Variants in MAPK4 observed in about 807,000 individuals in gnomAD.
MAPK4 encodes Erk3-related.
MAPK4 carries 22 observed loss-of-function variants against 47.7 expected under a neutral mutation model. The observed-to-expected ratio is 0.46, with a 90% CI of 0.33 to 0.66. The LOEUF (loss-of-function observed/expected upper bound fraction) is 0.66, where lower values mean the gene tolerates loss of function less well. Among genes scored for constraint, MAPK4 ranks in the 30% least tolerant of loss-of-function variants. MAPK4 has a pLI of 0.02. For missense variants in MAPK4, 736 were observed against 831.7 expected (o/e 0.88, Z 1.42); for synonymous variants, 390 against 365.7 (o/e 1.07, Z -0.76).
At chr18:50,566,586 G>A (rs191449881) in intron 1 of MAPK4, among the ~76,000 whole-genome samples, 1 of 152,284 alleles carries the variant, frequency 6.6e-6, no homozygotes, top group African/African-American at 2.4e-5. Context: ...CATTTCCAGG[G>A]CACCTGATCC....
intron 1 of MAPK4, among the ~76,000 whole-genome samples, chr18:50,565,183 G>A (rs2042188217): frequency 6.6e-6 from 1 of 152,200 alleles, no homozygotes. Flanking sequence ...GATCAAAATG[G>A]AATTGTTAAA....
At chr18:50,636,558 G>T (rs2042890716) in intron 1 of MAPK4, among the ~76,000 whole-genome samples, 1 of 152,114 alleles carries the variant, frequency 6.6e-6, no homozygotes, top group Non-Finnish European at 1.5e-5. Context: ...AGACCCATGG[G>T]GTGACTCCTG....
At chr18:50,619,996 G>A (rs760185703) in intron 1 of MAPK4, among the ~76,000 whole-genome samples, 8 of 152,226 alleles carry the variant, frequency 5.3e-5, no homozygotes, top group Admixed American at 1.3e-4. Context: ...CCAAGGAAAT[G>A]CAGGCTGTGC....
At chr18:50,643,217 T>TA (rs1209798804) in intron 1 of MAPK4, among the ~76,000 whole-genome samples, 1 of 152,212 alleles carries the variant, frequency 6.6e-6, no homozygotes, top group Non-Finnish European at 1.5e-5. Flanking sequence ...TGAATTTATT[T>TA]AAAAACAATT....
At chr18:50,625,783 T>C (rs957652185) in intron 1 of MAPK4, among the ~76,000 whole-genome samples, 1 of 152,008 alleles carries the variant, frequency 6.6e-6, no homozygotes, top group Non-Finnish European at 1.5e-5. Context: ...CCCAGGTCTC[T>C]GGAAGGGGCT....
chr18:50,567,166 G>T (rs1420350285), intron 1 of MAPK4, among the ~76,000 whole-genome samples: 1 of 151,366 alleles, frequency 6.6e-6, no homozygotes, highest in Non-Finnish European at 1.5e-5. Context: ...AGGTATACAC[G>T]TGCCATGGTG....
chr18:50,704,800 G>T, intron 2 of MAPK4: 1 of 398,572 alleles, frequency 2.5e-6, no homozygotes, highest in South Asian at 1.3e-4. Context: ...CAGGGACAAT[G>T]ACAGCAGCCA....
At chr18:50,671,705 A>T (rs372524456) in intron 2 of MAPK4, among the ~76,000 whole-genome samples, 6 of 152,192 alleles carry the variant, frequency 3.9e-5, no homozygotes, top group African/African-American at 1.2e-4. Flanking sequence ...CCTGGGCAAC[A>T]GCGAGACCCC....
intron 1 of MAPK4, among the ~76,000 whole-genome samples, chr18:50,625,848 G>A (rs1186130856): frequency 6.6e-6 from 1 of 151,466 alleles, no homozygotes; most frequent in Middle Eastern, 3.4e-3. Context: ...GTGTATTAGG[G>A]TTCTCCAGAG....
At chr18:50,654,580 A>C (rs1282215827) in intron 1 of MAPK4, among the ~76,000 whole-genome samples, 4 of 152,228 alleles carry the variant, frequency 2.6e-5, no homozygotes, top group African/African-American at 9.6e-5. Context: ...TAAAAAGAGA[A>C]GTTTCCCCTT....
chr18:50,650,634 T>C (rs1019494917), intron 1 of MAPK4, among the ~76,000 whole-genome samples: 4 of 152,188 alleles, frequency 2.6e-5, no homozygotes, highest in Non-Finnish European at 5.9e-5. Context: ...GGCCAAGTGC[T>C]GTACTAGGCA....
At chr18:50,707,749 G>T (rs1910137151) in intron 2 of MAPK4, among the ~76,000 whole-genome samples, 1 of 152,024 alleles carries the variant, frequency 6.6e-6, no homozygotes, top group Non-Finnish European at 1.5e-5. Flanking sequence ...TTTTTTTAAA[G>T]TCAAAGAAAG....
chr18:50,580,007 G>A (rs2042329740), intron 1 of MAPK4, among the ~76,000 whole-genome samples: 1 of 152,146 alleles, frequency 6.6e-6, no homozygotes. Flanking sequence ...CTCTCACAGG[G>A]CTCTTCATCA....
At chr18:50,640,133 C>A (rs562592874) in intron 1 of MAPK4, among the ~76,000 whole-genome samples, 1 of 152,172 alleles carries the variant, frequency 6.6e-6, no homozygotes, top group African/African-American at 2.4e-5. Flanking sequence ...TATAGACAGA[C>A]AGGAGCAAAA....
chr18:50,678,288 A>C lies in MAPK4; in HGVS notation c.546+13784A>C, dbSNP rs1908389716. On this transcript the variant is annotated intron_variant, in intron 2 of 5. Transcript: ENST00000400384. This position sits in a 1 kb window ranked among gnomAD's most constrained non-coding sequence, Gnocchi z 4.2. ...GGGCTAGGGGAAGGGAGTTGAACTC[A>C]AAAGGAGACCAGAATACAGAGCCCC... is the stretch of plus-strand genomic sequence containing the variant. Among the ~76,000 whole-genome samples, 1 of 152,218 alleles carries C rather than the reference A, an allele frequency of 6.6e-6. No homozygotes were observed. Among genetic ancestry groups the C allele is most frequent in the Non-Finnish European group, 1.5e-5 (1 of 68,042 alleles).
chr18:50,660,196 G>T (rs540342754), intron 1 of MAPK4, among the ~76,000 whole-genome samples: 83 of 152,290 alleles, frequency 5.5e-4, no homozygotes, highest in Non-Finnish European at 7.6e-4. Context: ...AAAATGAAGA[G>T]GCTTGAGAAG....
intron 2 of MAPK4, among the ~76,000 whole-genome samples, chr18:50,688,717 G>C (rs376038947): frequency 6.6e-6 from 1 of 151,944 alleles, no homozygotes; most frequent in Non-Finnish European, 1.5e-5. Flanking sequence ...ATGATACAAC[G>C]GACATCAGGG....
chr18:50,727,980 A>T (rs1445201926), intron 5 of MAPK4, among the ~76,000 whole-genome samples: 1 of 152,188 alleles, frequency 6.6e-6, no homozygotes, highest in East Asian at 1.9e-4. Context: ...AGGCCACTCA[A>T]TCAAGGAGGC....
chr18:50,633,434 T>G (rs1469822748), intron 1 of MAPK4, among the ~76,000 whole-genome samples: 1 of 152,180 alleles, frequency 6.6e-6, no homozygotes, highest in East Asian at 1.9e-4. Context: ...CCTGTAGCAG[T>G]GCGCATTCAT....
Sources: allele counts gnomAD v4.1 joint callset (sites outside exome capture counted in the v4.1 genomes callset), GRCh38; gene constraint gnomAD v4.1.1; non-coding constraint Gnocchi (gnomAD v3.1); transcripts MANE v1.5; gene names NCBI Gene and HGNC (gene_info 2026-07-23, HGNC 2026-07-21).